PRKAG2: variants seen among roughly 807,000 people sequenced by gnomAD.
The protein encoded by PRKAG2 is 5'-AMP-activated protein kinase subunit gamma-2.
A neutral mutation model predicts 69.6 loss-of-function variants in PRKAG2; 26 were observed. The ratio of observed to expected loss-of-function variants is 0.37; its 90% CI spans 0.27 to 0.52. The LOEUF is 0.52. Ranked by LOEUF, PRKAG2 falls within the 20% of genes least tolerant of loss-of-function variation. The pLI, the probability that PRKAG2 is intolerant of heterozygous loss-of-function variation, is 0.90. For synonymous variants in PRKAG2, 293 were observed against 285.0 expected (o/e 1.03, Z -0.28); for missense variants, 557 against 740.0 (o/e 0.75, Z 2.87).
chr7:151,630,350 T>C (rs564658209), intron 5 of PRKAG2, among the ~76,000 whole-genome samples: 136 of 152,346 alleles, frequency 8.9e-4, no homozygotes, highest in African/African-American at 2.9e-3. Context: ...TGTGTTGGGT[T>C]TCATTAATAA....
chr7:151,741,814 G>A (rs148786171), intron 3 of PRKAG2, among the ~76,000 whole-genome samples: 9 of 152,336 alleles, frequency 5.9e-5, no homozygotes, highest in Admixed American at 2.6e-4. Flanking sequence ...TCAACAGGTA[G>A]TTATTAAACC....
chr7:151,724,456 G>C (rs1215332524), intron 3 of PRKAG2, among the ~76,000 whole-genome samples: 1 of 152,100 alleles, frequency 6.6e-6, no homozygotes, highest in African/African-American at 2.4e-5. Flanking sequence ...CTGAGGAAGG[G>C]GGTGACTGGT....
chr7:151,778,238 G>A (rs1308817534), intron 3 of PRKAG2, among the ~76,000 whole-genome samples: 1 of 152,054 alleles, frequency 6.6e-6, no homozygotes. Flanking sequence ...AGCCTTTGGG[G>A]AGACTGATTT....
rs1276366294 is a variant in PRKAG2 at position 151,781,028 on chromosome 7, C to T, written c.466+124G>A. 3.8e-6 allele frequency: 5 copies of T among 1,311,476 alleles called. No homozygotes were observed. Among genetic ancestry groups the T allele is most frequent in the South Asian group, 1.2e-5 (1 of 83,460 alleles). 81.2% of individuals were successfully genotyped at this position (1,311,476 alleles called of 1,614,324 possible). A position where few individuals can be genotyped will look rare whatever the true frequency, so the allele number is the denominator to read the frequency against. On this transcript the variant is annotated intron_variant, in intron 3 of 15. Coordinates refer to ENST00000287878, the MANE Select transcript of PRKAG2 (RefSeq NM_016203.4). The surrounding 1 kb of genome is among the most constrained non-coding windows in gnomAD (Gnocchi z 6.1). ...AAGTGGGGGTGGGGAGAAACAGATA[C>T]AGGCACTCAGCACCAAGCTGCTCAC...
chr7:151,696,875 A>C (rs916861087), intron 3 of PRKAG2, among the ~76,000 whole-genome samples: 1 of 151,956 alleles, frequency 6.6e-6, no homozygotes, highest in Non-Finnish European at 1.5e-5. Context: ...TGGAGCTGGC[A>C]GCAGCAGCTC....
chr7:151,844,463 C>T (rs2079383665), intron 1 of PRKAG2, among the ~76,000 whole-genome samples: 1 of 152,184 alleles, frequency 6.6e-6, no homozygotes, highest in Non-Finnish European at 1.5e-5. Flanking sequence ...GGTAAAAACC[C>T]TCCCACCTGG....
intron 1 of PRKAG2, among the ~76,000 whole-genome samples, chr7:151,866,003 G>A (rs1397683117): frequency 7.3e-6 from 1 of 137,632 alleles, no homozygotes; most frequent in East Asian, 2.2e-4. Flanking sequence ...TTGGGTGACA[G>A]AGCAAGACTC....
chr7:151,720,072 G>A (rs940859870), intron 3 of PRKAG2, among the ~76,000 whole-genome samples: 2 of 152,192 alleles, frequency 1.3e-5, no homozygotes, highest in African/African-American at 2.4e-5. Flanking sequence ...GCCCAGGGGC[G>A]AGCCCTTCCA....
intron 3 of PRKAG2, among the ~76,000 whole-genome samples, chr7:151,712,119 C>T (rs117199245): frequency 2.0e-4 from 31 of 152,344 alleles, no homozygotes; most frequent in East Asian, 1.5e-3. Context: ...TCCTCCGCGG[C>T]GCGTACGTGC....
intron 2 of PRKAG2, among the ~76,000 whole-genome samples, chr7:151,782,901 G>A (rs1286653254): frequency 6.6e-6 from 1 of 152,248 alleles, no homozygotes; most frequent in Non-Finnish European, 1.5e-5. Flanking sequence ...GAAGCAAGAA[G>A]GGCGAGTAAC....
intron 3 of PRKAG2, among the ~76,000 whole-genome samples, chr7:151,773,567 A>T (rs2076192985): frequency 6.6e-6 from 1 of 152,228 alleles, no homozygotes; most frequent in African/African-American, 2.4e-5. Flanking sequence ...ATTACATACA[A>T]TGCACTTAGA....
intron 3 of PRKAG2, among the ~76,000 whole-genome samples, chr7:151,680,141 ATC>A (rs1035919842): frequency 2.6e-5 from 4 of 152,214 alleles, no homozygotes; most frequent in African/African-American, 7.2e-5. Flanking sequence ...TGTGGTGCCT[ATC>A]TAGGCACCAC....
chr7:151,865,684 A>G (rs990377476), intron 1 of PRKAG2, among the ~76,000 whole-genome samples: 2 of 152,212 alleles, frequency 1.3e-5, no homozygotes, highest in Non-Finnish European at 2.9e-5. Flanking sequence ...AGAAGCAAAA[A>G]CAACAAACTG....
At chr7:151,800,052 G>A (rs1424377625) in intron 1 of PRKAG2, among the ~76,000 whole-genome samples, 1 of 152,152 alleles carries the variant, frequency 6.6e-6, no homozygotes, top group Non-Finnish European at 1.5e-5. Flanking sequence ...CTAACCAGCT[G>A]TGTCATTTGA....
intron 3 of PRKAG2, among the ~76,000 whole-genome samples, chr7:151,684,046 A>G (rs1379169044): frequency 6.6e-6 from 1 of 151,804 alleles, no homozygotes; most frequent in Non-Finnish European, 1.5e-5. Context: ...CCAGAGCCCT[A>G]CCCTCCAGGG....
intron 4 of PRKAG2, among the ~76,000 whole-genome samples, chr7:151,636,024 A>AT (rs113433056): frequency 0.15 from 21,799 of 150,192 alleles, 1,947 homozygotes; most frequent in African/African-American, 0.23. Context: ...AATTTTTTGT[A>AT]TTTTTTTTAG....
intron 1 of PRKAG2, among the ~76,000 whole-genome samples, chr7:151,803,937 CAA>C (rs71198732): frequency 0.041 from 4,350 of 106,954 alleles, 182 homozygotes; most frequent in African/African-American, 0.13. Context: ...GACTATGTCT[CAA>C]AAAAAAAAAA....
intron 3 of PRKAG2, among the ~76,000 whole-genome samples, chr7:151,766,425 C>T (rs2075737033): frequency 2.6e-5 from 4 of 152,200 alleles, no homozygotes; most frequent in Non-Finnish European, 5.9e-5. Flanking sequence ...AAACACAGTT[C>T]ACTCAACAAC....
chr7:151,596,104 A>C (rs964938946), intron 5 of PRKAG2, among the ~76,000 whole-genome samples: 4 of 152,232 alleles, frequency 2.6e-5, no homozygotes, highest in Non-Finnish European at 5.9e-5. Context: ...TCAAGGTAGT[A>C]CTGGAAGTCC....
Sources: gnomAD v4.1 joint callset for allele counts (sites outside exome capture counted in the v4.1 genomes callset) on GRCh38, gnomAD v4.1.1 for gene constraint, Gnocchi (gnomAD v3.1) non-coding constraint, MANE v1.5 for transcripts, NCBI Gene and HGNC (gene_info 2026-07-23, HGNC 2026-07-21) for gene names.